The following DENND2A variants were observed in gnomAD, a reference collection of about 807,000 sequenced individuals.
DENND2A encodes the protein DENN domain-containing protein 2A.
A neutral mutation model predicts 105.3 loss-of-function variants in DENND2A; 53 were observed. The observed-to-expected ratio is 0.50, with a 90% CI of 0.40 to 0.63. DENND2A has a LOEUF of 0.63. DENND2A is among the 30% of genes least tolerant of loss of function. The pLI is 0.00. For missense variants in DENND2A, 1,138 were observed against 1,279.6 expected (o/e 0.89, Z 1.69); for synonymous variants, 522 against 508.4 (o/e 1.03, Z -0.36).
intron 12 of DENND2A, among the ~76,000 whole-genome samples, chr7:140,554,893 TC>T (rs1032686083): frequency 9.9e-5 from 15 of 151,938 alleles, no homozygotes; most frequent in African/African-American, 2.2e-4. Context: ...AAATAATTAA[TC>T]CCCCCTCCAC....
chr7:140,569,689 C>T lies in DENND2A; in HGVS notation c.1496G>A (p.Arg499Gln), dbSNP rs1411430708. Residue 499 changes from arginine (R) to glutamine (Q), a missense_variant, in exon 7 of 20, where the codon CGG becomes CAG. Coordinates refer to ENST00000496613, the MANE Select transcript of DENND2A (RefSeq NM_015689.5). Reference protein sequence around the residue: ...AIYEVRRGKKRVKRLSQSMES... With the variant: ...AIYEVRRGKKQVKRLSQSMES... Reference sequence around the variant, plus strand: ...CATTGACTGGGACAGCCTCTTCACCCGTTTCTTTCCTCTCCGGACCTCATA... The same window carrying T: ...CATTGACTGGGACAGCCTCTTCACCTGTTTCTTTCCTCTCCGGACCTCATA... 10 of 1,614,038 alleles carry T rather than the reference C, an allele frequency of 6.2e-6. No homozygotes were observed. Among genetic ancestry groups the T allele is most frequent in the South Asian group, 3.3e-5 (3 of 91,082 alleles).
Position 140,518,667 on chromosome 7 carries a change from A to C in DENND2A, c.*40T>G, listed in dbSNP as rs1179705854. ...CCACCAGGAACTGTTTTTAAAGCAT[A>C]GGGCTGCACTAGGAGGAAGTTTTCC... On this transcript the variant is annotated 3_prime_UTR_variant, in exon 20 of 20. Coordinates refer to ENST00000496613, the MANE Select transcript of DENND2A (RefSeq NM_015689.5). 1 of 1,603,662 alleles carries C rather than the reference A, an allele frequency of 6.2e-7. No individual in the cohort carries two copies. Among genetic ancestry groups the C allele is most frequent in the South Asian group, 1.1e-5 (1 of 90,712 alleles).
At position 140,592,597 on chromosome 7, in the gene DENND2A, C is replaced by CTTT. The variant is rs112671241; in HGVS notation, c.996-4818_996-4817insAAA. 6.1e-4 allele frequency among the ~76,000 whole-genome samples: 91 copies of CTTT among 148,348 alleles called. 1 individual carries two copies. Among genetic ancestry groups the CTTT allele is most frequent in the African/African-American group, 2.2e-3 (86 of 38,830 alleles). ...TGACCTCAGGTGATCCGTGCCCTGC[C>CTTT]CTTTTTTTTTTTCTTTTTTTGAGAC... On this transcript the variant is annotated intron_variant, in intron 3 of 19. Coordinates refer to ENST00000496613, the MANE Select transcript of DENND2A (RefSeq NM_015689.5).
chr7:140,579,110 T>C (rs1365231728), intron 5 of DENND2A, among the ~76,000 whole-genome samples: 1 of 151,960 alleles, frequency 6.6e-6, no homozygotes, highest in African/African-American at 2.4e-5. Context: ...CTGGCCAACA[T>C]GGTGAAACCC....
chr7:140,637,434 A>G (rs542514847), intron 1 of DENND2A, among the ~76,000 whole-genome samples: 1 of 152,332 alleles, frequency 6.6e-6, no homozygotes, highest in South Asian at 2.1e-4. Context: ...GAGCCTGGCC[A>G]GGAGATCTGT....
intron 3 of DENND2A, among the ~76,000 whole-genome samples, chr7:140,600,849 GCA>G (rs1219019252): frequency 2.6e-5 from 4 of 152,174 alleles, no homozygotes; most frequent in African/African-American, 9.6e-5. Flanking sequence ...TGTTTTCGAA[GCA>G]CAGATTTTAT....
chr7:140,611,068 C>T (rs985700474), intron 1 of DENND2A, among the ~76,000 whole-genome samples: 3 of 152,094 alleles, frequency 2.0e-5, no homozygotes, highest in Admixed American at 6.6e-5. Flanking sequence ...TTTTTTGAGA[C>T]GAGTTTCACT....
At chr7:140,603,391 T>C (rs1242750662) in intron 2 of DENND2A, among the ~76,000 whole-genome samples, 1 of 152,250 alleles carries the variant, frequency 6.6e-6, no homozygotes, top group Non-Finnish European at 1.5e-5. Flanking sequence ...GCAATGACTA[T>C]TTAAAAACTA....
At chr7:140,556,249 C>T (rs561389684) in intron 11 of DENND2A, among the ~76,000 whole-genome samples, 1 of 152,154 alleles carries the variant, frequency 6.6e-6, no homozygotes, top group Admixed American at 6.6e-5. Context: ...AACTCCTGAC[C>T]TCATGATCTG....
chr7:140,539,876 G>A (rs1796596043), intron 14 of DENND2A, among the ~76,000 whole-genome samples: 1 of 152,246 alleles, frequency 6.6e-6, no homozygotes, highest in Admixed American at 6.5e-5. Flanking sequence ...GTGTAGGATG[G>A]AAGGACGATT....
intron 8 of DENND2A, among the ~76,000 whole-genome samples, chr7:140,567,652 G>C (rs1175056004): frequency 6.6e-6 from 1 of 152,168 alleles, no homozygotes; most frequent in Non-Finnish European, 1.5e-5. Context: ...GATGGGGACA[G>C]TGACTCCTCC....
At chr7:140,590,538 A>G (rs188717342) in intron 3 of DENND2A, among the ~76,000 whole-genome samples, 1 of 152,156 alleles carries the variant, frequency 6.6e-6, no homozygotes, top group East Asian at 1.9e-4. Flanking sequence ...TGTTTTGTAT[A>G]ATCCTTCTAT....
intron 8 of DENND2A, 36 bp downstream of exon 8, chr7:140,568,726 AC>A: frequency 6.2e-7 from 1 of 1,612,300 alleles, no homozygotes; most frequent in Non-Finnish European, 8.5e-7. Context: ...CTTCCAAGTC[AC>A]CTGCCTGAGT....
chr7:140,606,596 C>T (rs1165882318), intron 1 of DENND2A, among the ~76,000 whole-genome samples: 1 of 152,158 alleles, frequency 6.6e-6, no homozygotes, highest in Non-Finnish European at 1.5e-5. Flanking sequence ...GGAGTTTAAA[C>T]CCACACTGCC....
chr7:140,592,474 G>A (rs769373220), intron 3 of DENND2A, among the ~76,000 whole-genome samples: 8 of 151,968 alleles, frequency 5.3e-5, no homozygotes, highest in Non-Finnish European at 1.0e-4. Flanking sequence ...GCCTCCCAAA[G>A]TGCTGGGATT....
At chr7:140,529,278 T>C (rs6942494) in intron 14 of DENND2A, among the ~76,000 whole-genome samples, 8,551 of 152,192 alleles carry the variant, frequency 0.056, 260 homozygotes, top group South Asian at 0.074. Flanking sequence ...GGCCAACATG[T>C]TGAAACCCCA....
Position 140,567,276 on chromosome 7 carries a change from G to C in DENND2A, c.1592-3C>G. On this transcript the variant is annotated splice_region_variant and splice_polypyrimidine_tract_variant and intron_variant, in intron 8 of 19. Coordinates refer to ENST00000496613, the MANE Select transcript of DENND2A (RefSeq NM_015689.5). ...GTTGACCAGGCGCTGGCTGTGAGCT[G>C]GGTGAGGGAGGGAGAGAGAAAGAGA... 6.3e-7 allele frequency: 1 copy of C among 1,596,242 alleles called. No individual in the cohort carries two copies.
intron 3 of DENND2A, among the ~76,000 whole-genome samples, chr7:140,592,293 A>G (rs1297384172): frequency 6.9e-6 from 1 of 143,936 alleles, no homozygotes; most frequent in African/African-American, 2.6e-5. Flanking sequence ...TGAAAGCTCC[A>G]CCTCCTCGGT....
intron 14 of DENND2A, among the ~76,000 whole-genome samples, chr7:140,529,874 A>G (rs569962641): frequency 2.6e-5 from 4 of 152,252 alleles, no homozygotes; most frequent in Non-Finnish European, 5.9e-5. Context: ...GCACACCAAC[A>G]TGGCACATGT....
Sources: gnomAD v4.1 joint callset for allele counts (sites outside exome capture counted in the v4.1 genomes callset) on GRCh38, gnomAD v4.1.1 for gene constraint, MANE v1.5 for transcripts, NCBI Gene and HGNC (gene_info 2026-07-23, HGNC 2026-07-21) for gene names.